The following VPS50 variants were observed in gnomAD, a reference collection of about 807,000 sequenced individuals.
VPS50 encodes the protein syndetin.
A neutral mutation model predicts 139.7 loss-of-function variants in VPS50; 70 were observed. That is an observed-to-expected ratio of 0.50 (90% CI 0.41 to 0.61). VPS50 has a LOEUF of 0.61. Ranked by LOEUF, VPS50 falls within the 20% of genes least tolerant of loss-of-function variation. The probability of loss-of-function intolerance (pLI) is 0.00; values close to 1 mark genes in which losing one functional copy is unlikely to be tolerated. For missense variants in VPS50, 921 were observed against 1,133.7 expected (o/e 0.81, Z 2.69); for synonymous variants, 365 against 376.7 (o/e 0.97, Z 0.36).
chr7:93,280,601 C>T (rs1454625516), intron 12 of VPS50, among the ~76,000 whole-genome samples: 1 of 151,864 alleles, frequency 6.6e-6, no homozygotes, highest in Non-Finnish European at 1.5e-5. Flanking sequence ...GTAGAGAAAC[C>T]CTTTGTGGTT....
chr7:93,264,808 G>A (rs1795791902), intron 9 of VPS50, among the ~76,000 whole-genome samples: 1 of 152,134 alleles, frequency 6.6e-6, no homozygotes, highest in African/African-American at 2.4e-5. Flanking sequence ...AAGGAGCCCT[G>A]CCTTGAGTAA....
chr7:93,287,439 A>G (rs1329818309), intron 12 of VPS50, among the ~76,000 whole-genome samples: 1 of 151,206 alleles, frequency 6.6e-6, no homozygotes, highest in African/African-American at 2.4e-5. Flanking sequence ...TTTTTTTCAA[A>G]TAAATAGGCA....
intron 2 of VPS50, chr7:93,246,252 G>A: frequency 1.5e-6 from 1 of 678,592 alleles, no homozygotes; most frequent in South Asian, 1.7e-5. Flanking sequence ...CGCAAATCAT[G>A]CTTGTAAAAT....
intron 27 of VPS50, among the ~76,000 whole-genome samples, chr7:93,357,888 A>AT (rs35523741): frequency 1.2e-3 from 174 of 147,296 alleles, no homozygotes; most frequent in African/African-American, 4.1e-3. Flanking sequence ...GTTGTTGGAG[A>AT]TTTTTTTTTT....
At chr7:93,233,384 T>A (rs1427723516) in intron 1 of VPS50, among the ~76,000 whole-genome samples, 1 of 152,224 alleles carries the variant, frequency 6.6e-6, no homozygotes, top group East Asian at 1.9e-4. Flanking sequence ...CTTTTAGAAG[T>A]TTGGAGAATG....
intron 20 of VPS50, 90 bp downstream of exon 20, chr7:93,311,362 A>G: frequency 1.4e-6 from 1 of 716,308 alleles, no homozygotes; most frequent in South Asian, 1.6e-5. Context: ...TGTCTTGTAT[A>G]CTCCAGTGCT....
intron 21 of VPS50, among the ~76,000 whole-genome samples, chr7:93,326,390 A>G (rs905947606): frequency 6.6e-6 from 1 of 150,788 alleles, no homozygotes; most frequent in Non-Finnish European, 1.5e-5. Context: ...TGGCACATGT[A>G]TACATATGTA....
At chr7:93,270,103 T>A (rs1795958897) in intron 9 of VPS50, among the ~76,000 whole-genome samples, 1 of 152,002 alleles carries the variant, frequency 6.6e-6, no homozygotes, top group Admixed American at 6.6e-5. Context: ...AAAATTCAAA[T>A]AATGTTAGTT....
chr7:93,335,706 A>T (rs1002717561), intron 22 of VPS50, among the ~76,000 whole-genome samples: 1 of 152,040 alleles, frequency 6.6e-6, no homozygotes, highest in Admixed American at 6.6e-5. Context: ...CTTGAGCATC[A>T]AATCTTATTC....
chr7:93,275,887 T>G, intron 11 of VPS50: 1 of 348,716 alleles, frequency 2.9e-6, no homozygotes, highest in African/African-American at 2.1e-5. Context: ...TACAACATAT[T>G]TAAGAAAGAG....
chr7:93,337,120 G>T lies in VPS50; in HGVS notation c.2058+2923G>T, dbSNP rs149205882. Among the ~76,000 whole-genome samples the T allele has an allele frequency of 7.2e-5, 11 of 152,206 alleles. No homozygotes were observed. In the East Asian group the frequency reaches 2.1e-3, roughly 29 times the overall value. On this transcript the variant is annotated intron_variant, in intron 22 of 27. Transcript: ENST00000305866. ...CGTGACTCTCTTGCTCTCTTCAAGC[G>T]TATTTTCCTAAATATAAACACAGAA...
intron 24 of VPS50, among the ~76,000 whole-genome samples, chr7:93,349,435 G>A (rs1798497369): frequency 6.6e-6 from 1 of 152,164 alleles, no homozygotes; most frequent in Admixed American, 6.5e-5. Flanking sequence ...GAGTGGCATG[G>A]TTGGGTTTGT....
At chr7:93,301,723 G>A (rs894623225) in intron 16 of VPS50, among the ~76,000 whole-genome samples, 1 of 152,108 alleles carries the variant, frequency 6.6e-6, no homozygotes, top group Admixed American at 6.5e-5. Flanking sequence ...ATTTTTGCTT[G>A]TTTAAGTCAC....
Position 93,308,862 on chromosome 7 carries a change from G to C in VPS50, c.1668G>C (p.Glu556Asp), listed in dbSNP as rs781265167. The C allele has an allele frequency of 6.2e-7, 1 of 1,607,274 alleles. No individual in the cohort carries two copies. The highest frequency in any genetic ancestry group is 8.5e-7 in the Non-Finnish European group (1 of 1,174,502). The change falls in exon 19 of 28, where the codon GAG becomes GAC. Residue 556 changes from glutamate to aspartate, a missense_variant. Transcript: ENST00000305866. ...SDEQEKSAYQ[E>D]YDSDSDVPEE... is the part of the protein sequence containing the mutation. Reference sequence around the variant, plus strand: ...AACAAGAAAAGAGTGCCTATCAAGAGTATGACAGTGACAGTGATGTTCCTG... The same window carrying C: ...AACAAGAAAAGAGTGCCTATCAAGACTATGACAGTGACAGTGATGTTCCTG...
At chr7:93,300,241 C>G (rs937877151) in intron 16 of VPS50, among the ~76,000 whole-genome samples, 1 of 152,040 alleles carries the variant, frequency 6.6e-6, no homozygotes. Context: ...AATCTCCAGG[C>G]CTGCTGATGT....
chr7:93,320,799 C>G (rs1797592996), intron 20 of VPS50: 1 of 152,586 alleles, frequency 6.6e-6, no homozygotes, highest in Non-Finnish European at 1.5e-5. Context: ...TACAGTTTGT[C>G]CCATATGTGA....
At chr7:93,315,687 A>G (rs1470501737) in intron 20 of VPS50, among the ~76,000 whole-genome samples, 1 of 152,222 alleles carries the variant, frequency 6.6e-6, no homozygotes, top group Non-Finnish European at 1.5e-5. Context: ...CATATGCTTA[A>G]AAGACATTTC....
chr7:93,302,694 G>A (rs891139756), intron 16 of VPS50, among the ~76,000 whole-genome samples: 1 of 151,660 alleles, frequency 6.6e-6, no homozygotes, highest in African/African-American at 2.4e-5. Context: ...TTGAACCTGT[G>A]GATTTTAAAA....
chr7:93,341,749 A>G (rs553818376), intron 23 of VPS50, among the ~76,000 whole-genome samples, 174 bp downstream of exon 23: 2 of 152,364 alleles, frequency 1.3e-5, no homozygotes, highest in East Asian at 3.9e-4. Flanking sequence ...TTTAAACTGC[A>G]TGGTTGGTTT....
Sources: gnomAD v4.1 joint callset for allele counts (sites outside exome capture counted in the v4.1 genomes callset) on GRCh38, gnomAD v4.1.1 for gene constraint, MANE v1.5 for transcripts, NCBI Gene and HGNC (gene_info 2026-07-23, HGNC 2026-07-21) for gene names.